BMPER: variants seen among roughly 807,000 people sequenced by gnomAD.
BMPER encodes BMP binding endothelial regulator, also known as BMP-binding endothelial regulator protein.
BMPER carries 45 observed loss-of-function variants against 87.3 expected under a neutral mutation model. That is an observed-to-expected ratio of 0.52 (90% confidence interval 0.41 to 0.66). The LOEUF (loss-of-function observed/expected upper bound fraction) is 0.66. Among genes scored for constraint, BMPER ranks in the 30% least tolerant of loss-of-function variants. BMPER has a pLI of 0.00. For missense variants in BMPER, 784 were observed against 867.5 expected (o/e 0.90, Z 1.21); for synonymous variants, 326 against 316.2 (o/e 1.03, Z -0.33).
intron 13 of BMPER, among the ~76,000 whole-genome samples, chr7:34,123,286 G>C (rs1015037478): frequency 7.9e-5 from 12 of 152,206 alleles, no homozygotes; most frequent in Non-Finnish European, 1.3e-4. Context: ...TTCCCGAAGA[G>C]AATCAGAGGC....
chr7:34,003,384 C>A (rs1220825200), intron 6 of BMPER, among the ~76,000 whole-genome samples: 1 of 151,890 alleles, frequency 6.6e-6, no homozygotes, highest in Non-Finnish European at 1.5e-5. Context: ...TTCTCCCTTC[C>A]TTTCTACTAT....
intron 3 of BMPER, among the ~76,000 whole-genome samples, chr7:33,965,338 A>G (rs1289796395): frequency 6.6e-6 from 1 of 152,150 alleles, no homozygotes; most frequent in Non-Finnish European, 1.5e-5. Flanking sequence ...TTATGAAAAC[A>G]TCTATTGAAT....
intron 9 of BMPER, 45 bp from the exon 10 acceptor site, chr7:34,058,014 T>C: frequency 3.2e-6 from 5 of 1,574,228 alleles, no homozygotes; most frequent in Non-Finnish European, 4.4e-6. Flanking sequence ...CCTCAACTCC[T>C]GTCAGCCTCC....
rs150144278 is a variant in BMPER, at chr7:33,951,902, T to A, written c.319+14514T>A. The stretch of plus-strand genomic sequence containing the variant: ...GCGAATGAGAATGGATAAATAGGGA[T>A]GAAAAATGACTGAATGTCTACCAAC... On this transcript the variant is annotated intron_variant, in intron 3 of 14. Coordinates refer to ENST00000649409, the MANE Select transcript of BMPER (RefSeq NM_001365308.1). Among the ~76,000 whole-genome samples the A allele has an allele frequency of 4.6e-5, 7 of 152,240 alleles. No homozygotes were observed. In the East Asian group the frequency reaches 1.2e-3, roughly 25 times the overall value.
intron 11 of BMPER, among the ~76,000 whole-genome samples, chr7:34,070,788 G>A (rs1041177894): frequency 6.8e-6 from 1 of 147,952 alleles, no homozygotes; most frequent in Admixed American, 6.7e-5. Flanking sequence ...AGTATAGAGT[G>A]CCTCCCAAAC....
intron 6 of BMPER, among the ~76,000 whole-genome samples, chr7:34,031,344 A>G (rs1046274012): frequency 6.6e-6 from 1 of 152,096 alleles, no homozygotes; most frequent in African/African-American, 2.4e-5. Context: ...CCTCCAAACA[A>G]ACCCCTCCTT....
At chr7:34,088,927 T>C (rs574762251) in intron 13 of BMPER, among the ~76,000 whole-genome samples, 2 of 152,230 alleles carry the variant, frequency 1.3e-5, no homozygotes, top group African/African-American at 2.4e-5. Flanking sequence ...CTCCAGGTAG[T>C]GTAAGTGACG....
At chr7:33,917,143 T>A (rs1362066767) in intron 2 of BMPER, among the ~76,000 whole-genome samples, 1 of 152,180 alleles carries the variant, frequency 6.6e-6, no homozygotes, top group African/African-American at 2.4e-5. Context: ...AGGAAGGTTC[T>A]GGGGCGATCT....
chr7:34,050,565 T>C (rs1406910877), intron 7 of BMPER, among the ~76,000 whole-genome samples: 2 of 152,182 alleles, frequency 1.3e-5, no homozygotes, highest in African/African-American at 4.8e-5. Context: ...GTTTAGTATG[T>C]TTAGGTATTT....
intron 2 of BMPER, among the ~76,000 whole-genome samples, chr7:33,907,852 G>A (rs1291261436): frequency 2.6e-5 from 4 of 152,172 alleles, no homozygotes; most frequent in African/African-American, 9.7e-5. Context: ...AATTCATTTC[G>A]GTTTAGGCAA....
At chr7:34,055,536 A>G (rs1223534845) in intron 9 of BMPER, among the ~76,000 whole-genome samples, 5 of 152,198 alleles carry the variant, frequency 3.3e-5, no homozygotes, top group Admixed American at 3.3e-4. Context: ...GTTTTTCTTG[A>G]CTATATTTTT....
At chr7:34,068,217 G>A (rs1788643030) in intron 11 of BMPER, among the ~76,000 whole-genome samples, 1 of 152,206 alleles carries the variant, frequency 6.6e-6, no homozygotes, top group Non-Finnish European at 1.5e-5. Flanking sequence ...AGGGAACTGA[G>A]GCTTAGAGGT....
chr7:33,993,344 C>T (rs1453013602), intron 6 of BMPER, among the ~76,000 whole-genome samples: 105 of 151,998 alleles, frequency 6.9e-4, no homozygotes, highest in African/African-American at 2.4e-3. Flanking sequence ...TCTAAACTTC[C>T]CTTCTCGCTT....
At chr7:34,021,195 A>G (rs981447946) in intron 6 of BMPER, among the ~76,000 whole-genome samples, 24 of 152,058 alleles carry the variant, frequency 1.6e-4, no homozygotes, top group Non-Finnish European at 3.4e-4. Flanking sequence ...ACTGAGTTCT[A>G]ACCACTGATG....
At chr7:33,916,597 A>G (rs1000849579) in intron 2 of BMPER, among the ~76,000 whole-genome samples, 5 of 152,236 alleles carry the variant, frequency 3.3e-5, no homozygotes, top group Non-Finnish European at 7.3e-5. Context: ...ACATTCATAC[A>G]GCCTTCTGTG....
intron 13 of BMPER, among the ~76,000 whole-genome samples, chr7:34,093,577 A>C (rs1394319993): frequency 6.6e-6 from 1 of 152,236 alleles, no homozygotes; most frequent in Non-Finnish European, 1.5e-5. Context: ...GGGCAAGACC[A>C]GACTCTCTTT....
chr7:34,148,013 C>T (rs948286344), intron 14 of BMPER, among the ~76,000 whole-genome samples: 9 of 152,118 alleles, frequency 5.9e-5, no homozygotes, highest in South Asian at 2.1e-4. Context: ...CCAAGGCTTC[C>T]GTTTGCCAAG....
chr7:34,086,598 G>A (rs571550450), intron 13 of BMPER, among the ~76,000 whole-genome samples: 1 of 152,312 alleles, frequency 6.6e-6, no homozygotes, highest in South Asian at 2.1e-4. Context: ...AGCAAAATGA[G>A]AATTATTTGG....
intron 6 of BMPER, among the ~76,000 whole-genome samples, chr7:33,980,716 G>A (rs76415094): frequency 0.031 from 4,700 of 152,244 alleles, 100 homozygotes; most frequent in Non-Finnish European, 0.047. Context: ...TCCTCTGTCT[G>A]TAAAACCAGC....
Sources: allele counts gnomAD v4.1 joint callset (sites outside exome capture counted in the v4.1 genomes callset), GRCh38; gene constraint gnomAD v4.1.1; transcripts MANE v1.5; gene names NCBI Gene and HGNC (gene_info 2026-07-23, HGNC 2026-07-21).